Variants in EXOC2 observed in about 807,000 individuals in gnomAD.
The protein encoded by EXOC2 is exocyst complex component 2, also known as SEC5-like 1.
Under a neutral mutation model 131.8 loss-of-function variants are expected in EXOC2, and 70 were observed. That is an observed-to-expected ratio of 0.53 (90% CI 0.44 to 0.65). The LOEUF (loss-of-function observed/expected upper bound fraction) is 0.65. Among genes scored for constraint, EXOC2 ranks in the 30% least tolerant of loss-of-function variants. EXOC2 has a pLI of 0.00. For missense variants in EXOC2, 923 were observed against 1,108.6 expected (o/e 0.83, Z 2.38); for synonymous variants, 411 against 398.4 (o/e 1.03, Z -0.38).
At chr6:486,862 T>C (rs1405582301) in intron 27 of EXOC2, 98 bp from the exon 28 acceptor site, 6 of 866,468 alleles carry the variant, frequency 6.9e-6, no homozygotes, top group Non-Finnish European at 9.3e-6. Context: ...CTGCCTGGGC[T>C]TGCTGTGTGG....
At chr6:577,577 A>G (rs1758653193) in intron 11 of EXOC2, among the ~76,000 whole-genome samples, 1 of 152,208 alleles carries the variant, frequency 6.6e-6, no homozygotes, top group African/African-American at 2.4e-5. Flanking sequence ...TTAGGAATAG[A>G]ATTCCATGTT....
chr6:593,416 G>C (rs1201002275), intron 10 of EXOC2, among the ~76,000 whole-genome samples: 1 of 152,168 alleles, frequency 6.6e-6, no homozygotes, highest in Non-Finnish European at 1.5e-5. Flanking sequence ...CACCTCTAAA[G>C]TCCACACTCA....
chr6:656,642 C>A (rs747556100), intron 1 of EXOC2: 3 of 1,607,534 alleles, frequency 1.9e-6, no homozygotes, highest in Non-Finnish European at 2.5e-6. Flanking sequence ...TCAGCTGCAG[C>A]TTCAGGGAGG....
intron 22 of EXOC2, among the ~76,000 whole-genome samples, chr6:543,644 T>C (rs1756679597): frequency 6.6e-6 from 1 of 152,216 alleles, no homozygotes; most frequent in Non-Finnish European, 1.5e-5. Flanking sequence ...TATGCTTAGG[T>C]TGAACATCAC....
At position 497,427 on chromosome 6, in the gene EXOC2, A is replaced by G; in HGVS notation, c.2499T>C (p.Ser833=). The G allele has an allele frequency of 6.2e-7, 1 of 1,614,100 alleles. No individual in the cohort carries two copies. Among genetic ancestry groups the G allele is most frequent in the Non-Finnish European group, 8.5e-7 (1 of 1,179,980 alleles). The part of the protein sequence containing the change: ...RVLSKVIEAV[S]EELSRLMQCV... Reference sequence around the variant, plus strand: ...ACTGCATCAGTCGACTGAGCTCTTCAGAAACTGCTTCTATCACCTTGGATA... The same window carrying G: ...ACTGCATCAGTCGACTGAGCTCTTCGGAAACTGCTTCTATCACCTTGGATA... Residue 833 remains serine, a synonymous_variant, in exon 25 of 28, where the codon TCT becomes TCC. Transcript: ENST00000230449.
chr6:665,628 A>G (rs1487522468), intron 1 of EXOC2, among the ~76,000 whole-genome samples: 1 of 152,224 alleles, frequency 6.6e-6, no homozygotes, highest in East Asian at 1.9e-4. Context: ...TAGCATTTGC[A>G]GTGACGTGGA....
In EXOC2 at chr6:497,409, C is replaced by T; in HGVS notation, c.2517G>A (p.Leu839=). ...TGCTGAAGGATGAAACACACTGCAT[C>T]AGTCGACTGAGCTCTTCAGAAACTG... ...IEAVSEELSR[L]MQCVSSFSKN... The change falls in exon 25 of 28, where the codon CTG becomes CTA. Residue 839 remains leucine, a synonymous_variant. Transcript: ENST00000230449. 1 of 1,614,058 alleles carries T rather than the reference C, an allele frequency of 6.2e-7. No homozygotes were observed. The highest frequency in any genetic ancestry group is 1.1e-5 in the South Asian group (1 of 91,068).
rs181323034 is a variant in EXOC2 at position 554,105 on chromosome 6, G to A, written c.2055-185C>T. 3.0e-4 allele frequency among the ~76,000 whole-genome samples: 45 copies of A among 151,642 alleles called. No homozygotes were observed. The East Asian group carries it at 5.8e-3, about 20-fold the overall frequency. The stretch of plus-strand genomic sequence containing the variant: ...CCCCAGGCTGGAGTGCAAATGGTGC[G>A]TTCTTGGCTCACTGCAACCTCCTCC... On this transcript the variant is annotated intron_variant, in intron 20 of 27. Transcript: ENST00000230449.
chr6:681,009 A>G (rs71550023), intron 1 of EXOC2, among the ~76,000 whole-genome samples: 20,607 of 152,214 alleles, frequency 0.14, 1,515 homozygotes, highest in African/African-American at 0.18. Flanking sequence ...TGCCATAAGA[A>G]GCTATAAGAT....
At chr6:657,764 CAAA>C (rs11319548) in intron 1 of EXOC2, among the ~76,000 whole-genome samples, 161 of 135,318 alleles carry the variant, frequency 1.2e-3, no homozygotes, top group Non-Finnish European at 1.3e-3. Flanking sequence ...CTCTGGCAGG[CAAA>C]AAAAAAAAAA....
At chr6:668,024 A>C (rs1251670236) in intron 1 of EXOC2, among the ~76,000 whole-genome samples, 1 of 152,124 alleles carries the variant, frequency 6.6e-6, no homozygotes, top group Non-Finnish European at 1.5e-5. Context: ...GTTTCTGAAG[A>C]GACATCTCAT....
chr6:552,884 C>T (rs556301233), intron 21 of EXOC2, among the ~76,000 whole-genome samples: 1 of 151,990 alleles, frequency 6.6e-6, no homozygotes, highest in African/African-American at 2.4e-5. Context: ...ACACACCCCC[C>T]CTTCAAACTC....
intron 9 of EXOC2, 147 bp from the exon 10 acceptor site, chr6:598,270 G>A: frequency 1.6e-6 from 1 of 620,284 alleles, no homozygotes; most frequent in Non-Finnish European, 2.8e-6. Flanking sequence ...TATCTCCGAT[G>A]TAGGTTACAA....
At chr6:494,991 A>G (rs1419267691) in intron 25 of EXOC2, among the ~76,000 whole-genome samples, 12 of 151,172 alleles carry the variant, frequency 7.9e-5, no homozygotes. Flanking sequence ...CAAGCCTCCC[A>G]CCTTAGCCTC....
rs371351053 is a variant in EXOC2, at chr6:549,225, C to T, written c.2188G>A (p.Ala730Thr). 5.0e-5 allele frequency: 80 copies of T among 1,614,012 alleles called. 1 individual carries two copies. The highest frequency in any genetic ancestry group is 4.7e-4 in the South Asian group (43 of 91,062). Residue 730 changes from alanine to threonine, a missense_variant, in exon 22 of 28, where the codon GCA becomes ACA. Ala to Thr is a moderately conservative substitution (Grantham distance 58, BLOSUM62 0). Transcript: ENST00000230449. Reference sequence around the variant, plus strand: ...AAGTTGTGCTTTTCAAAATGTTCTGCGATATTTAGGAAGGTGTGACGTTCT... The same window carrying T: ...AAGTTGTGCTTTTCAAAATGTTCTGTGATATTTAGGAAGGTGTGACGTTCT... ...YLERHTFLNI[A>T]EHFEKHNFQG... is the part of the protein sequence containing the mutation.
chr6:564,296 G>A (rs1757852204), intron 15 of EXOC2, 142 bp from the exon 16 acceptor site: 1 of 1,315,552 alleles, frequency 7.6e-7, no homozygotes, highest in African/African-American at 1.5e-5. Flanking sequence ...CCACAACTGG[G>A]ACTGTACTGT....
intron 1 of EXOC2, among the ~76,000 whole-genome samples, chr6:639,784 C>A (rs1762272990): frequency 6.6e-6 from 1 of 152,212 alleles, no homozygotes; most frequent in Non-Finnish European, 1.5e-5. Context: ...AGCTTCCCCT[C>A]TGCCCTCTAA....
rs574509120 is a variant in EXOC2 at position 661,062 on chromosome 6, T to G, written c.-43-23201A>C. Among the ~76,000 whole-genome samples, 3 of 152,200 alleles carry G rather than the reference T, an allele frequency of 2.0e-5. No homozygotes were observed. The East Asian group carries it at 5.8e-4, about 29-fold the overall frequency. On this transcript the variant is annotated intron_variant, in intron 1 of 27. Transcript: ENST00000230449. Reference sequence around the variant, plus strand: ...CAAGTAGAAGGAAGAAATTCAGAGCTCGAAGGTCTACAAATTAACCAATCC... The same window carrying G: ...CAAGTAGAAGGAAGAAATTCAGAGCGCGAAGGTCTACAAATTAACCAATCC...
chr6:634,682 A>C (rs1486598886), intron 2 of EXOC2, among the ~76,000 whole-genome samples: 4 of 152,172 alleles, frequency 2.6e-5, no homozygotes, highest in African/African-American at 9.7e-5. Context: ...TAATGTCTGC[A>C]ACTTTGTTTT....
Sources: allele counts gnomAD v4.1 joint callset (sites outside exome capture counted in the v4.1 genomes callset), GRCh38; gene constraint gnomAD v4.1.1; transcripts MANE v1.5; gene names NCBI Gene and HGNC (gene_info 2026-07-23, HGNC 2026-07-21).